Variants in PLEKHA7 observed in about 807,000 individuals in gnomAD.
PLEKHA7 encodes the protein pleckstrin homology domain containing A7.
PLEKHA7 carries 104 observed loss-of-function variants against 170.0 expected under a neutral mutation model. The ratio of observed to expected loss-of-function variants is 0.61; its 90% CI spans 0.52 to 0.72. The LOEUF is 0.72. Ranked by LOEUF, PLEKHA7 falls within the 30% of genes least tolerant of loss-of-function variation. The pLI is 0.00. For missense variants in PLEKHA7, 1,615 were observed against 1,671.7 expected, an observed-to-expected ratio of 0.97 and a Z score of 0.59; for synonymous variants, 648 against 660.8, an observed-to-expected ratio of 0.98 and a Z score of 0.30.
chr11:16,803,561 C>A, intron 13 of PLEKHA7: 1 of 447,110 alleles, frequency 2.2e-6, no homozygotes, highest in South Asian at 2.8e-5. Context: ...GTTAAAGGAT[C>A]ATCAATTTTA....
chr11:17,014,097 GC>G, intron 2 of PLEKHA7, 27 bp downstream of exon 2: 2 of 1,586,676 alleles, frequency 1.3e-6, no homozygotes, highest in East Asian at 2.3e-5. Context: ...CGCTGCGCGC[GC>G]CCCCCACCCG....
At chr11:16,790,606 G>C (rs1301992826) in intron 21 of PLEKHA7, 192 bp downstream of exon 21, 1 of 593,268 alleles carries the variant, frequency 1.7e-6, no homozygotes, top group African/African-American at 1.9e-5. Context: ...TGTAACAAAA[G>C]AGGAAGAGAA....
intron 13 of PLEKHA7, among the ~76,000 whole-genome samples, chr11:16,804,982 T>G (rs1038197006): frequency 6.6e-6 from 1 of 152,118 alleles, no homozygotes; most frequent in Non-Finnish European, 1.5e-5. Context: ...GAATGTGGGT[T>G]TTAAACTCAG....
rs1296689594 is a variant in PLEKHA7 at position 16,977,940 on chromosome 11, C to A, written c.221+36049G>T. Reference sequence around the variant, plus strand: ...ACAAGACAACATCAGGGGCCCAGCACCCAGCAGACTTGAGGCAAGGCTTTC... The same window carrying A: ...ACAAGACAACATCAGGGGCCCAGCAACCAGCAGACTTGAGGCAAGGCTTTC... On this transcript the variant is annotated intron_variant, in intron 3 of 26. Coordinates refer to ENST00000531066, the MANE Select transcript of PLEKHA7 (RefSeq NM_001329630.2). Among the ~76,000 whole-genome samples, 3 of 152,156 alleles carry A rather than the reference C, an allele frequency of 2.0e-5. No individual in the cohort carries two copies. In the East Asian group the frequency reaches 5.8e-4, roughly 29 times the overall value.
intron 4 of PLEKHA7, among the ~76,000 whole-genome samples, chr11:16,856,719 C>T (rs868688428): frequency 2.0e-5 from 3 of 152,290 alleles, no homozygotes; most frequent in Middle Eastern, 3.4e-3. Flanking sequence ...CCAGCATTTG[C>T]CAGTCTTTCA....
Position 16,951,284 on chromosome 11 carries a change from T to C in PLEKHA7, c.221+62705A>G, listed in dbSNP as rs548179126. Among the ~76,000 whole-genome samples the C allele has an allele frequency of 7.9e-5, 12 of 152,136 alleles. No individual in the cohort carries two copies. The Middle Eastern group carries it at 0.01, about 130-fold the overall frequency. ...CATGCAGCATGGGGAAGGTGTTCAG[T>C]TGACATTAGTTGAGTGAATAGGGAT... is the stretch of plus-strand genomic sequence containing the variant. On this transcript the variant is annotated intron_variant, in intron 3 of 26. Transcript: ENST00000531066.
chr11:16,834,840 G>T (rs931774001), intron 9 of PLEKHA7, among the ~76,000 whole-genome samples: 2 of 152,172 alleles, frequency 1.3e-5, no homozygotes, highest in Admixed American at 6.5e-5. Context: ...GATTACTTGG[G>T]GGGGCGGGGG....
At chr11:16,959,334 T>G (rs1861905026) in intron 3 of PLEKHA7, among the ~76,000 whole-genome samples, 1 of 151,936 alleles carries the variant, frequency 6.6e-6, no homozygotes, top group African/African-American at 2.4e-5. Flanking sequence ...CTCCATCCAG[T>G]CAGTGGGAAT....
Position 16,851,635 on chromosome 11 carries a change from G to A in PLEKHA7, c.596-344C>T, listed in dbSNP as rs185022612. ...GGCTAATTTTTGTATTTTTAGTGGA[G>A]TCAGGGTTTCACCATGTTAGCTAGG... On this transcript the variant is annotated intron_variant, in intron 7 of 26. Coordinates refer to ENST00000531066, the MANE Select transcript of PLEKHA7 (RefSeq NM_001329630.2). 3.0e-3 allele frequency among the ~76,000 whole-genome samples: 456 copies of A among 152,168 alleles called. 1 individual carries two copies. Among genetic ancestry groups the A allele is most frequent in the Non-Finnish European group, 5.3e-3 (361 of 67,998 alleles).
chr11:16,930,784 T>C (rs1285123298), intron 3 of PLEKHA7, among the ~76,000 whole-genome samples: 1 of 152,208 alleles, frequency 6.6e-6, no homozygotes, highest in Non-Finnish European at 1.5e-5. Context: ...ATTCCAGAAT[T>C]GCTTCTGGGA....
At chr11:16,837,913 G>A (rs1229870915) in intron 9 of PLEKHA7, among the ~76,000 whole-genome samples, 4 of 152,168 alleles carry the variant, frequency 2.6e-5, no homozygotes, top group Non-Finnish European at 4.4e-5. Context: ...CCCAACTATC[G>A]GTGGTGCCCC....
intron 3 of PLEKHA7, among the ~76,000 whole-genome samples, chr11:16,901,096 C>T (rs536636774): frequency 3.3e-5 from 5 of 152,278 alleles, no homozygotes; most frequent in African/African-American, 1.2e-4. Flanking sequence ...ATCCGCCTGC[C>T]TCGACCTCCC....
intron 19 of PLEKHA7, among the ~76,000 whole-genome samples, chr11:16,792,396 A>G (rs529893363): frequency 1.3e-5 from 2 of 152,220 alleles, no homozygotes; most frequent in African/African-American, 4.8e-5. Flanking sequence ...AAAATAAAAG[A>G]ACTATAGCCA....
At chr11:16,806,214 T>G (rs530209854) in intron 13 of PLEKHA7, among the ~76,000 whole-genome samples, 3 of 152,358 alleles carry the variant, frequency 2.0e-5, no homozygotes, top group Middle Eastern at 3.4e-3. Flanking sequence ...CTTTAGAGCA[T>G]GGGCTTGATG....
chr11:17,003,982 C>G (rs1015222126), intron 3 of PLEKHA7, among the ~76,000 whole-genome samples: 1 of 152,156 alleles, frequency 6.6e-6, no homozygotes, highest in Non-Finnish European at 1.5e-5. Flanking sequence ...GGCTGAAAAG[C>G]CAACAAGGAG....
chr11:16,807,574 G>A (rs1380486975), intron 13 of PLEKHA7, among the ~76,000 whole-genome samples: 2 of 152,112 alleles, frequency 1.3e-5, no homozygotes, highest in East Asian at 1.9e-4. Flanking sequence ...ATGATAGAAG[G>A]GAACTTGCTT....
intron 3 of PLEKHA7, among the ~76,000 whole-genome samples, chr11:16,915,689 A>T (rs1858606640): frequency 1.3e-5 from 2 of 151,788 alleles, no homozygotes; most frequent in Non-Finnish European, 2.9e-5. Context: ...AAAGGACATG[A>T]ACTCATCATT....
rs1173198116 is a variant in PLEKHA7, at chr11:16,778,754, T to C, written c.*244A>G. ...AATAGATTCCGATTCTAAAATACAG[T>C]GTATTTTACAGTGTATATCAAAAGT... On this transcript the variant is annotated 3_prime_UTR_variant, in exon 27 of 27. Coordinates refer to ENST00000531066, the MANE Select transcript of PLEKHA7 (RefSeq NM_001329630.2). The C allele has an allele frequency of 1.8e-6, 1 of 568,176 alleles. No homozygotes were observed. The highest frequency in any genetic ancestry group is 3.2e-6 in the Non-Finnish European group (1 of 317,256). The allele number at this position is 568,176 out of a possible 1,614,324, so 35.2% of individuals were successfully genotyped here.
chr11:17,011,536 C>T (rs746749555), intron 3 of PLEKHA7, among the ~76,000 whole-genome samples: 19 of 152,202 alleles, frequency 1.2e-4, no homozygotes, highest in Non-Finnish European at 2.9e-5. Flanking sequence ...CTTCCACCTA[C>T]TCCAGTCAGA....
Sources: gnomAD v4.1 joint callset for allele counts (sites outside exome capture counted in the v4.1 genomes callset) on GRCh38, gnomAD v4.1.1 for gene constraint, MANE v1.5 for transcripts, NCBI Gene and HGNC (gene_info 2026-07-23, HGNC 2026-07-21) for gene names.